SPHKAP: variants seen among roughly 807,000 people sequenced by gnomAD.
SPHKAP encodes SPHK1 interactor, AKAP domain containing, also known as A-kinase anchor protein SPHKAP.
Under a neutral mutation model 137.5 loss-of-function variants are expected in SPHKAP, and 67 were observed. The observed-to-expected ratio is 0.49, with a 90% CI of 0.40 to 0.60. The LOEUF is 0.60. Ranked by LOEUF, SPHKAP falls within the 20% of genes least tolerant of loss-of-function variation. The pLI, the probability that SPHKAP is intolerant of heterozygous loss-of-function variation, is 0.00. For missense variants in SPHKAP, 2,097 were observed against 2,069.3 expected (o/e 1.01, Z -0.26); for synonymous variants, 813 against 785.3 (o/e 1.04, Z -0.59).
At chr2:228,121,153 T>C (rs1698890109) in intron 2 of SPHKAP, among the ~76,000 whole-genome samples, 1 of 152,158 alleles carries the variant, frequency 6.6e-6, no homozygotes, top group African/African-American at 2.4e-5. Context: ...AAAGGGACAA[T>C]GAATTTAATG....
chr2:228,049,976 A>C (rs1410013347), intron 3 of SPHKAP, among the ~76,000 whole-genome samples: 3 of 152,178 alleles, frequency 2.0e-5, no homozygotes, highest in African/African-American at 7.2e-5. Flanking sequence ...TCTATAAGAA[A>C]CTGCAATAAC....
intron 7 of SPHKAP, among the ~76,000 whole-genome samples, chr2:228,005,663 G>T (rs1187431732): frequency 6.6e-6 from 1 of 152,146 alleles, no homozygotes; most frequent in East Asian, 1.9e-4. Context: ...TTTACAATTT[G>T]GCATGTTTTT....
chr2:228,021,033 C>G (rs889220126), intron 6 of SPHKAP, among the ~76,000 whole-genome samples: 2 of 152,208 alleles, frequency 1.3e-5, no homozygotes, highest in Non-Finnish European at 2.9e-5. Context: ...AAGATTTGTT[C>G]TAAAGTTTGC....
At chr2:228,015,166 C>T (rs1486014051) in intron 7 of SPHKAP, among the ~76,000 whole-genome samples, 2 of 149,712 alleles carry the variant, frequency 1.3e-5, no homozygotes, top group Non-Finnish European at 1.5e-5. Flanking sequence ...TGAGAACATG[C>T]AGTGTTTGGT....
chr2:228,020,132 G>T lies in SPHKAP; in HGVS notation c.722C>A (p.Ala241Asp), dbSNP rs370519433. 2.0e-5 allele frequency: 32 copies of T among 1,604,120 alleles called. No individual in the cohort carries two copies. Among genetic ancestry groups the T allele is most frequent in the Non-Finnish European group, 2.6e-5 (31 of 1,177,124 alleles). ...TAGCTGTTTACTTTCCAAAACATTG[G>T]CTGAGACATTTATATTTTCATAATC... ...RNDYENINVS[A>D]NVLESKQLKG... Residue 241 changes from alanine (A) to aspartate (D), a missense_variant, in exon 7 of 12, where the codon GCC (alanine) becomes GAC (aspartate). Coordinates refer to ENST00000392056, the MANE Select transcript of SPHKAP (RefSeq NM_001142644.2).
intron 7 of SPHKAP, among the ~76,000 whole-genome samples, chr2:228,013,986 G>A (rs982465241): frequency 6.6e-6 from 1 of 152,140 alleles, no homozygotes; most frequent in East Asian, 1.9e-4. Context: ...GCCATTCTAT[G>A]TAATACAAAC....
chr2:228,181,437 A>C lies in SPHKAP; in HGVS notation c.32+130T>G, dbSNP rs541519209. ...CTGGGCCGGACTTATTTACAAGTGCAGTGACCCCTGTCTCCTCGCTGGGAG... is the reference window on the plus strand; with the variant it reads ...CTGGGCCGGACTTATTTACAAGTGCCGTGACCCCTGTCTCCTCGCTGGGAG... On this transcript the variant is annotated intron_variant, in intron 1 of 11. Transcript: ENST00000392056. This position sits in a 1 kb window ranked among gnomAD's most constrained non-coding sequence, Gnocchi z 4.3. 310 of 1,266,126 alleles carry C rather than the reference A, an allele frequency of 2.4e-4. 2 individuals are homozygous for C. In the South Asian group the frequency reaches 3.3e-3, roughly 14 times the overall value. The allele number at this position is 1,266,126 out of a possible 1,614,324, so 78.4% of individuals were successfully genotyped here.
At chr2:228,114,557 A>G (rs890232176) in intron 2 of SPHKAP, among the ~76,000 whole-genome samples, 1 of 152,148 alleles carries the variant, frequency 6.6e-6, no homozygotes, top group African/African-American at 2.4e-5. Context: ...GAAGATAATT[A>G]AAGACATTTC....
At chr2:228,132,303 A>G (rs985238773) in intron 1 of SPHKAP, among the ~76,000 whole-genome samples, 1 of 152,196 alleles carries the variant, frequency 6.6e-6, no homozygotes, top group Admixed American at 6.6e-5. Flanking sequence ...CCATGAAAGT[A>G]CAGCCCAATG....
chr2:228,062,058 C>T (rs534746299), intron 3 of SPHKAP, among the ~76,000 whole-genome samples: 127 of 151,930 alleles, frequency 8.4e-4, no homozygotes, highest in Non-Finnish European at 1.2e-3. Flanking sequence ...TGGATGATTT[C>T]ATACAAAGAA....
At chr2:228,153,864 G>A (rs540446244) in intron 1 of SPHKAP, among the ~76,000 whole-genome samples, 3 of 152,246 alleles carry the variant, frequency 2.0e-5, no homozygotes, top group Non-Finnish European at 4.4e-5. Context: ...GCGCCAGCGG[G>A]CTTAAAGAAA....
At chr2:228,171,738 C>T (rs948873603) in intron 1 of SPHKAP, among the ~76,000 whole-genome samples, 4 of 152,128 alleles carry the variant, frequency 2.6e-5, no homozygotes, top group Non-Finnish European at 4.4e-5. Flanking sequence ...TGGACCCACA[C>T]ACTGTTAATG....
Position 227,991,140 on chromosome 2 carries a change from T to G in SPHKAP, c.4819A>C (p.Ser1607Arg), listed in dbSNP as rs758371509. 2 of 1,614,064 alleles carry G rather than the reference T, an allele frequency of 1.2e-6. No individual in the cohort carries two copies. The highest frequency in any genetic ancestry group is 1.7e-6 in the Non-Finnish European group (2 of 1,180,002). ...PPTGTASPQR[S>R]LLVINFDLEP... is the part of the protein sequence containing the mutation. Reference sequence around the variant, plus strand: ...AGGTCAAAGTTGATCACCAGCAGGCTCCTCTGGGGGCTGGCTGTTCCCGTA... The same window carrying G: ...AGGTCAAAGTTGATCACCAGCAGGCGCCTCTGGGGGCTGGCTGTTCCCGTA... Residue 1607 changes from serine to arginine, a missense_variant, in exon 11 of 12, where the codon AGC becomes CGC. Transcript: ENST00000392056.
intron 3 of SPHKAP, among the ~76,000 whole-genome samples, chr2:228,049,597 C>T (rs1696181076): frequency 1.3e-5 from 2 of 152,126 alleles, no homozygotes; most frequent in Non-Finnish European, 2.9e-5. Context: ...AATCTTATCA[C>T]CCAGCTAGTG....
intron 3 of SPHKAP, among the ~76,000 whole-genome samples, chr2:228,095,574 C>T (rs1697955219): frequency 6.6e-6 from 1 of 151,760 alleles, no homozygotes; most frequent in Non-Finnish European, 1.5e-5. Flanking sequence ...GATTTGGTGA[C>T]ACTAATAAGA....
intron 2 of SPHKAP, among the ~76,000 whole-genome samples, chr2:228,129,848 G>A (rs899619885): frequency 1.4e-5 from 2 of 148,144 alleles, no homozygotes; most frequent in Non-Finnish European, 3.0e-5. Context: ...CCAGGCTGGA[G>A]TACAATGGCG....
At chr2:228,069,549 G>T (rs911989728) in intron 3 of SPHKAP, among the ~76,000 whole-genome samples, 1 of 148,836 alleles carries the variant, frequency 6.7e-6, no homozygotes. Context: ...GCCTCTCAAA[G>T]TACTGGGACT....
At chr2:228,061,701 G>T (rs947277495) in intron 3 of SPHKAP, among the ~76,000 whole-genome samples, 17 of 150,960 alleles carry the variant, frequency 1.1e-4, no homozygotes, top group African/African-American at 4.1e-4. Context: ...TTGGGCTGAG[G>T]TATTTATACT....
rs540191600 is a variant in SPHKAP, at chr2:228,013,288, G to A, written c.4448+3118C>T. ...TTTTTTTGAGACAGAGTCTTGCCCCGTCACCCAGGCTGGAGTGCAGAGGCA... is the reference window on the plus strand; with the variant it reads ...TTTTTTTGAGACAGAGTCTTGCCCCATCACCCAGGCTGGAGTGCAGAGGCA... On this transcript the variant is annotated intron_variant, in intron 7 of 11. Transcript: ENST00000392056. Among the ~76,000 whole-genome samples, 75 of 152,160 alleles carry A rather than the reference G, an allele frequency of 4.9e-4. 1 individual carries two copies. The highest frequency in any genetic ancestry group is 4.1e-3 in the South Asian group (20 of 4,822).
Sources: gnomAD v4.1 joint callset for allele counts (sites outside exome capture counted in the v4.1 genomes callset) on GRCh38, gnomAD v4.1.1 for gene constraint, Gnocchi (gnomAD v3.1) non-coding constraint, MANE v1.5 for transcripts, NCBI Gene and HGNC (gene_info 2026-07-23, HGNC 2026-07-21) for gene names.